ELMO2: variants seen among roughly 807,000 people sequenced by gnomAD.
ELMO2 encodes the protein engulfment and cell motility protein 2.
ELMO2 carries 37 observed loss-of-function variants against 96.2 expected under a neutral mutation model. That is an observed-to-expected ratio of 0.38 (90% CI 0.30 to 0.51). The LOEUF (loss-of-function observed/expected upper bound fraction) is 0.51. ELMO2 is among the 20% of genes least tolerant of loss of function. ELMO2 has a pLI of 0.88. For synonymous variants in ELMO2, 315 were observed against 329.4 expected, an observed-to-expected ratio of 0.96 and a Z score of 0.47; for missense variants, 561 against 912.6, an observed-to-expected ratio of 0.61 and a Z score of 4.96.
chr20:46,387,632 C>CCA (rs772672105), intron 7 of ELMO2, 195 bp from the exon 8 acceptor site: 40 of 108,968 alleles, frequency 3.7e-4, no homozygotes, highest in African/African-American at 1.4e-3. Flanking sequence ...TCTATCGCTG[C>CCA]AAAAAAAAAA....
chr20:46,386,236 T>C lies in ELMO2; in HGVS notation c.565A>G (p.Ile189Val), dbSNP rs1475879541. The C allele has an allele frequency of 2.5e-6, 4 of 1,614,070 alleles. No homozygotes were observed. The highest frequency in any genetic ancestry group is 1.1e-5 in the South Asian group (1 of 91,076). Reference protein sequence around the residue: ...YVSQPMVDVSILQRSLAILES... With the variant: ...YVSQPMVDVSVLQRSLAILES... ...AGGATGGCCAGGGACCTCTGAAGGA[T>C]TGACACGTCCACCATGGGCTGGCTC... The change falls in exon 9 of 22, where the codon ATC becomes GTC. Residue 189 changes from isoleucine to valine, a missense_variant. Transcript: ENST00000290246.
chr20:46,373,572 C>A (rs954715059), intron 15 of ELMO2, 37 bp from the exon 16 acceptor site: 7 of 1,611,368 alleles, frequency 4.3e-6, no homozygotes, highest in Non-Finnish European at 5.9e-6. Context: ...GATGAAGCCT[C>A]TGTCCACAAG....
At chr20:46,402,367 A>G (rs893369724) in intron 1 of ELMO2, among the ~76,000 whole-genome samples, 1 of 152,200 alleles carries the variant, frequency 6.6e-6, no homozygotes, top group African/African-American at 2.4e-5. Context: ...TGAAAACACT[A>G]CTGACTGAGG....
intron 11 of ELMO2, among the ~76,000 whole-genome samples, chr20:46,376,015 C>T (rs769754512): frequency 1.2e-4 from 18 of 152,306 alleles, no homozygotes; most frequent in Admixed American, 8.5e-4. Flanking sequence ...CTGCATTCCC[C>T]TGGGCAGGGG....
intron 2 of ELMO2, among the ~76,000 whole-genome samples, chr20:46,395,145 C>T (rs1480068283): frequency 6.6e-6 from 1 of 152,136 alleles, no homozygotes; most frequent in Non-Finnish European, 1.5e-5. Context: ...AGGGCAAGGG[C>T]GGCTGACAAC....
intron 3 of ELMO2, 67 bp downstream of exon 3, chr20:46,394,338 A>G (rs1393428364): frequency 3.2e-6 from 5 of 1,543,444 alleles, no homozygotes; most frequent in African/African-American, 2.7e-5. Flanking sequence ...ATCCCTCAAG[A>G]TGTCCTCTGC....
intron 4 of ELMO2, 39 bp from the exon 5 acceptor site, chr20:46,393,640 C>G (rs1693655045): frequency 6.2e-7 from 1 of 1,603,924 alleles, no homozygotes; most frequent in Non-Finnish European, 8.5e-7. Context: ...CTTGGCCACT[C>G]TCTTGTTCAG....
In ELMO2 at chr20:46,373,506, T is replaced by C; in HGVS notation, c.1309A>G (p.Met437Val). 2 of 1,614,134 alleles carry C rather than the reference T, an allele frequency of 1.2e-6. No individual in the cohort carries two copies. The highest frequency in any genetic ancestry group is 1.7e-6 in the Non-Finnish European group (2 of 1,180,018). The change falls in exon 16 of 22, where the codon ATG (methionine) becomes GTG (valine). Residue 437 changes from methionine (M) to valine (V), a missense_variant. Coordinates refer to ENST00000290246, the MANE Select transcript of ELMO2 (RefSeq NM_133171.5). ...AAGGCTCGGTCATGGGTAAAGAACA[T>C]CGGGTGGTAGTCATTGCGTCCTTCA... Reference protein sequence around the residue: ...PNEGRNDYHPMFFTHDRAFEE... With the variant: ...PNEGRNDYHPVFFTHDRAFEE...
intron 2 of ELMO2, among the ~76,000 whole-genome samples, chr20:46,396,728 C>G (rs2085946411): frequency 1.3e-5 from 2 of 152,118 alleles, no homozygotes; most frequent in South Asian, 2.1e-4. Flanking sequence ...GATAATTGTC[C>G]CTGCTGAAAC....
At chr20:46,389,012 T>C (rs371305849) in intron 7 of ELMO2, 27 bp downstream of exon 7, 13 of 1,601,782 alleles carry the variant, frequency 8.1e-6, no homozygotes, top group Non-Finnish European at 1.0e-5. Context: ...GTCGAAGTCC[T>C]TGGAACGAGA....
chr20:46,393,216 CAAT>C, intron 5 of ELMO2, 73 bp from the exon 6 acceptor site: 1 of 1,457,052 alleles, frequency 6.9e-7, no homozygotes, highest in South Asian at 1.1e-5. Context: ...GTTGAATCAA[CAAT>C]AATGTTTTGT....
At chr20:46,384,795 C>CA (rs1489875884) in intron 9 of ELMO2, among the ~76,000 whole-genome samples, 4 of 139,142 alleles carry the variant, frequency 2.9e-5, no homozygotes, top group Admixed American at 1.5e-4. Context: ...CCTGTCTCTA[C>CA]AAAAATAAAA....
At chr20:46,379,139 G>A (rs975604814) in intron 11 of ELMO2, among the ~76,000 whole-genome samples, 9 of 151,876 alleles carry the variant, frequency 5.9e-5, no homozygotes, top group Non-Finnish European at 1.0e-4. Context: ...GATTACAGGC[G>A]CCTATCACCA....
chr20:46,395,627 C>G (rs2060229820), intron 2 of ELMO2, among the ~76,000 whole-genome samples: 2 of 152,302 alleles, frequency 1.3e-5, no homozygotes, highest in South Asian at 4.2e-4. Flanking sequence ...GATGTCAGTT[C>G]TCACAGCCTG....
Position 46,366,830 on chromosome 20 carries a change from C to G in ELMO2, c.*530G>C, listed in dbSNP as rs2059594595. On this transcript the variant is annotated 3_prime_UTR_variant, in exon 22 of 22. Transcript: ENST00000290246. ...GAGCCAACCTCAGAAGCAGCAACGT[C>G]TTGGCACCATATGAAGCTGGAGTGA... The G allele has an allele frequency of 6.5e-6, 1 of 152,792 alleles. No homozygotes were observed. The highest frequency in any genetic ancestry group is 2.4e-5 in the African/African-American group (1 of 41,466). The allele number at this position is 152,792 out of a possible 1,614,324, so 9.5% of individuals were successfully genotyped here.
At chr20:46,376,593 C>G in intron 11 of ELMO2, 1 of 1,284,952 alleles carries the variant, frequency 7.8e-7, no homozygotes, top group South Asian at 1.2e-5. Flanking sequence ...TCTGTCCTAG[C>G]TGATCAACCC....
At chr20:46,389,326 A>T in intron 6 of ELMO2, 106 bp from the exon 7 acceptor site, 1 of 1,221,746 alleles carries the variant, frequency 8.2e-7, no homozygotes, top group Middle Eastern at 2.3e-4. Context: ...CCTGAGGCAG[A>T]ACTAGTTTTT....
intron 1 of ELMO2, among the ~76,000 whole-genome samples, chr20:46,400,299 G>A (rs1165062379): frequency 6.6e-6 from 1 of 152,226 alleles, no homozygotes; most frequent in African/African-American, 2.4e-5. Flanking sequence ...CAGGAGATAG[G>A]AGACTAGAAA....
Position 46,389,045 on chromosome 20 carries a change from A to G in ELMO2, c.419T>C (p.Leu140Ser), listed in dbSNP as rs762570297. 2 of 1,613,810 alleles carry G rather than the reference A, an allele frequency of 1.2e-6. No homozygotes were observed. Among genetic ancestry groups the G allele is most frequent in the Middle Eastern group, 1.7e-4 (1 of 6,060 alleles). Residue 140 changes from leucine (L) to serine (S), a missense_variant, in exon 7 of 22, where the codon TTG (leucine) becomes TCG (serine). Leu to Ser is a moderately radical substitution (Grantham distance 145). Coordinates refer to ENST00000290246, the MANE Select transcript of ELMO2 (RefSeq NM_133171.5). ...TRLVESGTKL[L>S]SHYSEMLAFT... ...AGACCTTAGTCATACTCACTGGGAC[A>G]AGAGCTTGGTTCCACTTTCCACGAG...
Sources: gnomAD v4.1 joint callset for allele counts (sites outside exome capture counted in the v4.1 genomes callset) on GRCh38, gnomAD v4.1.1 for gene constraint, MANE v1.5 for transcripts, NCBI Gene and HGNC (gene_info 2026-07-23, HGNC 2026-07-21) for gene names.